Variants in CSMD1 observed in about 807,000 individuals in gnomAD.
CSMD1 encodes CUB and Sushi multiple domains 1.
CSMD1 carries 213 observed loss-of-function variants against 417.5 expected under a neutral mutation model. The observed-to-expected ratio is 0.51, with a 90% CI of 0.46 to 0.57. The LOEUF is 0.57. CSMD1 is among the 20% of genes least tolerant of loss of function. The pLI is 0.00. For synonymous variants in CSMD1, 2,862 were observed against 1,736.8 expected (o/e 1.65, Z -16.11); for missense variants, 6,923 against 4,529.7 (o/e 1.53, Z -15.17).
intron 3 of CSMD1, among the ~76,000 whole-genome samples, chr8:4,331,323 C>T (rs543493934): frequency 1.3e-5 from 2 of 152,246 alleles, no homozygotes; most frequent in African/African-American, 4.8e-5. Context: ...GGTGCAAACG[C>T]AGTTTTGAGA....
chr8:3,066,074 T>C (rs1442844498), intron 49 of CSMD1, among the ~76,000 whole-genome samples: 4 of 152,166 alleles, frequency 2.6e-5, no homozygotes, highest in African/African-American at 9.7e-5. Flanking sequence ...AAAAATTGTC[T>C]ATTGGCAATT....
chr8:4,590,380 T>G (rs186842941), intron 2 of CSMD1, among the ~76,000 whole-genome samples: 34 of 152,304 alleles, frequency 2.2e-4, no homozygotes, highest in African/African-American at 7.9e-4. Context: ...TCAATCAACA[T>G]GCGAAGATAC....
intron 49 of CSMD1, among the ~76,000 whole-genome samples, chr8:3,061,121 G>C (rs541853718): frequency 2.7e-4 from 41 of 152,182 alleles, no homozygotes; most frequent in Non-Finnish European, 5.3e-4. Context: ...CAAAGTCTGA[G>C]TTTGGTATTT....
chr8:4,530,503 C>A (rs1321329036), intron 2 of CSMD1, among the ~76,000 whole-genome samples: 2 of 150,042 alleles, frequency 1.3e-5, no homozygotes, highest in Non-Finnish European at 3.0e-5. Context: ...TTTCCCCCGA[C>A]CCCCTGACAG....
intron 2 of CSMD1, among the ~76,000 whole-genome samples, chr8:4,567,970 T>G (rs967953075): frequency 6.6e-6 from 1 of 152,218 alleles, no homozygotes; most frequent in Admixed American, 6.5e-5. Context: ...GCACAAGGAC[T>G]GTTATTTAAC....
At chr8:4,439,370 C>T (rs904049900) in intron 2 of CSMD1, among the ~76,000 whole-genome samples, 2 of 152,120 alleles carry the variant, frequency 1.3e-5, no homozygotes, top group Non-Finnish European at 2.9e-5. Context: ...TATTACTATA[C>T]AACTTTGTGG....
chr8:4,918,367 G>A (rs1806211366), intron 1 of CSMD1, among the ~76,000 whole-genome samples: 3 of 152,252 alleles, frequency 2.0e-5, no homozygotes, highest in South Asian at 4.1e-4. Flanking sequence ...CAGAGTGAAA[G>A]GTGGGTGTTC....
At chr8:3,385,250 T>C (rs770411038) in intron 18 of CSMD1, among the ~76,000 whole-genome samples, 2 of 149,056 alleles carry the variant, frequency 1.3e-5, no homozygotes, top group Non-Finnish European at 1.5e-5. Context: ...TGCATATGTA[T>C]GTATACATGT....
chr8:3,851,773 A>G (rs1803924440), intron 5 of CSMD1, among the ~76,000 whole-genome samples: 1 of 152,214 alleles, frequency 6.6e-6, no homozygotes, highest in South Asian at 2.1e-4. Context: ...TGTATAAGGA[A>G]GTGACCACAA....
intron 1 of CSMD1, among the ~76,000 whole-genome samples, chr8:4,960,762 G>A (rs562259997): frequency 6.6e-6 from 1 of 152,102 alleles, no homozygotes; most frequent in East Asian, 1.9e-4. Context: ...GGGTACACAA[G>A]TTTCTTACAT....
At position 2,966,670 on chromosome 8, in the gene CSMD1, C is replaced by T. The variant is rs371795204; in HGVS notation, c.9000G>A (p.Ser3000=). ...VSSDGILFSS[S]VIYACWEGYK... is the part of the protein sequence containing the mutation. ...AGCCTTCCCAGCAGGCATAGATGACCGAGCTGGAGAACAGAATGCCATCAC... is the reference window on the plus strand; with the variant it reads ...AGCCTTCCCAGCAGGCATAGATGACTGAGCTGGAGAACAGAATGCCATCAC... The change falls in exon 58 of 70, where the codon TCG becomes TCA. Residue 3000 remains serine, a synonymous_variant. Transcript: ENST00000635120. The T allele has an allele frequency of 4.2e-5, 67 of 1,613,574 alleles. No individual in the cohort carries two copies. Among genetic ancestry groups the T allele is most frequent in the South Asian group, 2.5e-4 (23 of 91,024 alleles).
At chr8:4,924,532 G>T (rs966251491) in intron 1 of CSMD1, among the ~76,000 whole-genome samples, 6 of 151,962 alleles carry the variant, frequency 3.9e-5, no homozygotes, top group African/African-American at 1.4e-4. Context: ...AGACCAGCCT[G>T]GCCAACATGG....
intron 2 of CSMD1, among the ~76,000 whole-genome samples, chr8:4,428,915 A>G (rs556609200): frequency 3.3e-5 from 5 of 152,066 alleles, no homozygotes; most frequent in Admixed American, 6.5e-5. Flanking sequence ...GGGTTTCACC[A>G]TTTGGCCAGG....
chr8:4,445,950 G>A (rs548783795), intron 2 of CSMD1, among the ~76,000 whole-genome samples: 13 of 152,252 alleles, frequency 8.5e-5, no homozygotes, highest in Admixed American at 2.0e-4. Context: ...AAGTATTTCG[G>A]TGTTGAGGTA....
chr8:3,394,199 G>A (rs1303208677), intron 17 of CSMD1, among the ~76,000 whole-genome samples: 2 of 146,238 alleles, frequency 1.4e-5, no homozygotes, highest in Admixed American at 1.4e-4. Context: ...ATTCTTTTAA[G>A]ATTATAAAAA....
At chr8:4,834,060 G>A (rs928933225) in intron 1 of CSMD1, among the ~76,000 whole-genome samples, 1 of 152,146 alleles carries the variant, frequency 6.6e-6, no homozygotes, top group Non-Finnish European at 1.5e-5. Flanking sequence ...CATTAGCAAT[G>A]TAATTTTACT....
intron 5 of CSMD1, among the ~76,000 whole-genome samples, chr8:3,818,848 T>C (rs928156493): frequency 8.5e-5 from 13 of 152,164 alleles, no homozygotes; most frequent in Non-Finnish European, 1.9e-4. Context: ...ACAAGATCCC[T>C]TGCATGATTT....
chr8:4,156,034 C>T (rs1796816075), intron 3 of CSMD1, among the ~76,000 whole-genome samples: 1 of 152,138 alleles, frequency 6.6e-6, no homozygotes, highest in Non-Finnish European at 1.5e-5. Context: ...CCTGGTTCCT[C>T]AGATGAGCTC....
intron 3 of CSMD1, among the ~76,000 whole-genome samples, chr8:4,360,923 G>A (rs1038025302): frequency 9.2e-5 from 14 of 152,148 alleles, no homozygotes; most frequent in Admixed American, 1.3e-4. Context: ...CTGATAGCAG[G>A]TGAATTTCTT....
Sources: allele counts gnomAD v4.1 joint callset (sites outside exome capture counted in the v4.1 genomes callset), GRCh38; gene constraint gnomAD v4.1.1; transcripts MANE v1.5; gene names NCBI Gene and HGNC (gene_info 2026-07-23, HGNC 2026-07-21).